COL4A6: variants seen among roughly 807,000 people sequenced by gnomAD.
COL4A6 encodes collagen alpha-6(IV) chain.
A neutral mutation model predicts 126.7 loss-of-function variants in COL4A6; 59 were observed. The ratio of observed to expected loss-of-function variants is 0.47; its 90% CI spans 0.38 to 0.58. The LOEUF (loss-of-function observed/expected upper bound fraction) is 0.58. COL4A6 is among the 20% of genes least tolerant of loss of function. The probability of loss-of-function intolerance (pLI) is 0.00; values close to 1 mark genes in which losing one functional copy is unlikely to be tolerated. For missense variants in COL4A6, 1,285 were observed against 1,337.3 expected, an observed-to-expected ratio of 0.96 and a Z score of 0.61; for synonymous variants, 547 against 496.6, an observed-to-expected ratio of 1.10 and a Z score of -1.35.
intron 2 of COL4A6, among the ~76,000 whole-genome samples, chrX:108,379,003 T>C (rs895287174): frequency 8.9e-6 from 1 of 112,355 alleles, no homozygotes; most frequent in Non-Finnish European, 1.9e-5. Context: ...TGGAAAGAGC[T>C]TGGGTTTCTG....
intron 2 of COL4A6, among the ~76,000 whole-genome samples, chrX:108,410,010 A>G (rs757498908): frequency 1.8e-5 from 2 of 111,817 alleles, no homozygotes; most frequent in South Asian, 7.7e-4. Flanking sequence ...AAGGTGAGAA[A>G]TTAAAATTAA....
chrX:108,371,749 C>T (rs1381123510), intron 2 of COL4A6, among the ~76,000 whole-genome samples: 9 of 106,619 alleles, frequency 8.4e-5, no homozygotes, highest in African/African-American at 3.1e-4. Context: ...AGAGCAAGAC[C>T]CTTTCTCAAT....
chrX:108,413,947 G>A (rs868474027), intron 2 of COL4A6, among the ~76,000 whole-genome samples: 36 of 112,007 alleles, frequency 3.2e-4, no homozygotes, highest in African/African-American at 1.2e-3. Flanking sequence ...CATGTCATTT[G>A]TTACAAAATG....
At chrX:108,329,684 T>C (rs937474813) in intron 2 of COL4A6, among the ~76,000 whole-genome samples, 2 of 111,877 alleles carry the variant, frequency 1.8e-5, no homozygotes, top group African/African-American at 6.5e-5. Flanking sequence ...TGTCTATGAA[T>C]TGGTAAATTT....
intron 3 of COL4A6, among the ~76,000 whole-genome samples, chrX:108,276,320 A>T (rs997928020): frequency 1.8e-5 from 2 of 112,631 alleles, no homozygotes; most frequent in East Asian, 5.6e-4. Flanking sequence ...GATCCCACCA[A>T]CTGACATGAA....
intron 2 of COL4A6, among the ~76,000 whole-genome samples, chrX:108,433,455 T>A (rs180789709): frequency 4.1e-4 from 46 of 111,817 alleles, no homozygotes; most frequent in African/African-American, 1.4e-3. Context: ...TCTTGTCACC[T>A]ACACAGTATA....
Position 108,202,980 on chromosome X carries a change from C to G in COL4A6, c.782G>C (p.Gly261Ala). ...GFPKGKKGSKGEPGPKGFPGI... is the reference protein window; with the variant it reads ...GFPKGKKGSKAEPGPKGFPGI... ...TGGAAAACCCTTAGGCCCTGGTTCA[C>G]CCTGGAAAATCAGCCCAAGGTTAGT... The change falls in exon 13 of 45, where the codon GGT (glycine) becomes GCT (alanine). Residue 261 changes from glycine to alanine, a missense_variant and splice_region_variant. Gly to Ala is a moderately conservative substitution (Grantham distance 60, BLOSUM62 0). Coordinates refer to ENST00000334504, the MANE Select transcript of COL4A6 (RefSeq NM_033641.4). 8.3e-7 allele frequency: 1 copy of G among 1,209,683 alleles called. No individual in the cohort carries two copies. The highest frequency in any genetic ancestry group is 1.1e-6 in the Non-Finnish European group (1 of 894,022).
chrX:108,437,711 T>C (rs1320503102), intron 2 of COL4A6, among the ~76,000 whole-genome samples: 1 of 111,651 alleles, frequency 9.0e-6, no homozygotes, highest in African/African-American at 3.3e-5. Context: ...CTTCCACTTT[T>C]ATTTTCCCAA....
intron 41 of COL4A6, among the ~76,000 whole-genome samples, chrX:108,162,466 AGAAGAAGAAGAG>A (rs1474096962): frequency 2.7e-5 from 3 of 111,222 alleles, no homozygotes; most frequent in African/African-American, 6.5e-5. Context: ...AAGAAGAAGA[AGAAGAAGAAGAG>A]GAAGAAGAAG....
chrX:108,168,064 C>A (rs1327503614), intron 37 of COL4A6, among the ~76,000 whole-genome samples: 3 of 112,352 alleles, frequency 2.7e-5, no homozygotes. Context: ...ATGTATTCCT[C>A]TGTGACATGT....
At chrX:108,420,450 T>C (rs776876369) in intron 2 of COL4A6, among the ~76,000 whole-genome samples, 1 of 111,657 alleles carries the variant, frequency 9.0e-6, no homozygotes, top group African/African-American at 3.3e-5. Flanking sequence ...TTGTTTGCTA[T>C]GACAGCATAA....
At chrX:108,309,033 A>C (rs772046476) in intron 3 of COL4A6, among the ~76,000 whole-genome samples, 1 of 111,994 alleles carries the variant, frequency 8.9e-6, no homozygotes, top group East Asian at 2.8e-4. Flanking sequence ...ATATATACTT[A>C]GAATTCTATT....
At position 108,219,590 on chromosome X, in the gene COL4A6, T is replaced by C. The variant is rs7885840; in HGVS notation, c.324+108A>G. ...CTCACCATACATATCTCAACACTTGTTCCTGAGCATGCTTGCATGAGACAG... is the reference window on the plus strand; with the variant it reads ...CTCACCATACATATCTCAACACTTGCTCCTGAGCATGCTTGCATGAGACAG... On this transcript the variant is annotated intron_variant, in intron 5 of 44. Coordinates refer to ENST00000334504, the MANE Select transcript of COL4A6 (RefSeq NM_033641.4). 6,499 of 710,922 alleles carry C rather than the reference T, an allele frequency of 9.1e-3. 269 individuals are homozygous for C. In the African/African-American group the frequency reaches 0.12, roughly 13 times the overall value. The allele number at this position is 710,922 out of a possible 1,213,427, so 58.6% of individuals were successfully genotyped here.
In COL4A6 at chrX:108,161,262, C is replaced by T. The variant is rs1414459588; in HGVS notation, c.4333+357G>A. The stretch of plus-strand genomic sequence containing the variant: ...ACGCCTTAACTCAAGTGTTGTTATC[C>T]CTTGAACATCCCCCTCTCATGTGTG... On this transcript the variant is annotated intron_variant, in intron 42 of 44. Transcript: ENST00000334504. Among the ~76,000 whole-genome samples the T allele has an allele frequency of 4.5e-5, 5 of 111,492 alleles. No individual in the cohort carries two copies. In the East Asian group the frequency reaches 1.4e-3, roughly 31 times the overall value.
At position 108,164,938 on chromosome X, in the gene COL4A6, C is replaced by A. The variant is rs1463972273; in HGVS notation, c.3909G>T (p.Gly1303=). Residue 1303 remains glycine (G), a synonymous_variant, in exon 39 of 45, where the codon GGG becomes GGT. Coordinates refer to ENST00000334504, the MANE Select transcript of COL4A6 (RefSeq NM_033641.4). ...PGFPGIPGPK[G]PKGDQGIPGF... Reference sequence around the variant, plus strand: ...CTGGAATTCCTTGGTCTCCCTTAGGCCCTTTAGGTCCAGGAATTCCAGGGA... The same window carrying A: ...CTGGAATTCCTTGGTCTCCCTTAGGACCTTTAGGTCCAGGAATTCCAGGGA... 1.6e-5 allele frequency: 19 copies of A among 1,210,792 alleles called. No individual in the cohort carries two copies. The highest frequency in any genetic ancestry group is 2.0e-5 in the Non-Finnish European group (18 of 895,121).
chrX:108,212,867 A>G (rs1160643462), intron 6 of COL4A6, among the ~76,000 whole-genome samples: 1 of 111,820 alleles, frequency 8.9e-6, no homozygotes, highest in Admixed American at 9.5e-5. Context: ...TCCTTTGTCA[A>G]TGGGTATTTA....
At chrX:108,216,417 T>A (rs1385916065) in intron 5 of COL4A6, among the ~76,000 whole-genome samples, 2 of 112,071 alleles carry the variant, frequency 1.8e-5, no homozygotes, top group African/African-American at 6.5e-5. Context: ...ACCTACCTTA[T>A]AGAGTCATTG....
chrX:108,213,980 G>A, intron 6 of COL4A6, 132 bp downstream of exon 6: 1 of 528,759 alleles, frequency 1.9e-6, no homozygotes, highest in Non-Finnish European at 3.3e-6. Flanking sequence ...TGCCAGTATT[G>A]ACTCCTACAT....
intron 13 of COL4A6, among the ~76,000 whole-genome samples, chrX:108,198,847 C>T (rs958673225): frequency 9.0e-6 from 1 of 111,236 alleles, no homozygotes; most frequent in South Asian, 3.9e-4. Flanking sequence ...TATTGACCTA[C>T]TCAATAGTTA....
Sources: allele counts gnomAD v4.1 joint callset (sites outside exome capture counted in the v4.1 genomes callset), GRCh38; gene constraint gnomAD v4.1.1; transcripts MANE v1.5; gene names NCBI Gene and HGNC (gene_info 2026-07-23, HGNC 2026-07-21).